Variants in MAOA observed in about 807,000 individuals in gnomAD.
The protein encoded by MAOA is monoamine oxidase A, also known as amine oxidase [flavin-containing] A.
Under a neutral mutation model 42.0 loss-of-function variants are expected in MAOA, and 6 were observed. The ratio of observed to expected loss-of-function variants is 0.14; its 90% CI spans 0.08 to 0.28. The LOEUF is 0.28. Ranked by LOEUF, MAOA falls within the 10% of genes least tolerant of loss-of-function variation. The pLI, the probability that MAOA is intolerant of heterozygous loss-of-function variation, is 1.00. For missense variants in MAOA, 262 were observed against 422.3 expected (o/e 0.62, Z 3.33); for synonymous variants, 140 against 154.0 (o/e 0.91, Z 0.67).
chrX:43,656,620 TTAC>T (rs1411885774), intron 1 of MAOA, among the ~76,000 whole-genome samples: 8 of 111,174 alleles, frequency 7.2e-5, no homozygotes, highest in Non-Finnish European at 1.1e-4. Context: ...CACAATAATT[TTAC>T]TACTACTACT....
At chrX:43,740,840 T>C (rs2033955618) in intron 11 of MAOA, 102 bp downstream of exon 11, 2 of 700,326 alleles carry the variant, frequency 2.9e-6, no homozygotes, top group Admixed American at 3.2e-5. Context: ...ATGAAGAGAG[T>C]ATAAAGCGAT....
At chrX:43,661,701 C>G (rs768156648) in intron 1 of MAOA, among the ~76,000 whole-genome samples, 1 of 111,692 alleles carries the variant, frequency 9.0e-6, no homozygotes, top group East Asian at 2.8e-4. Context: ...AGCGAGCGCA[C>G]AGTGAAAATG....
rs749751951 is a variant in MAOA at position 43,683,509 on chromosome X, T to G, written c.74-4T>G. On this transcript the variant is annotated splice_polypyrimidine_tract_variant and splice_region_variant and intron_variant, in intron 1 of 14. Coordinates refer to ENST00000338702, the MANE Select transcript of MAOA (RefSeq NM_000240.4). The stretch of plus-strand genomic sequence containing the variant: ...TACGTTGCTCTTTTTTGTTTTTCCT[T>G]TAGGACTATCTGCTGCCAAACTCTT... 8.3e-7 allele frequency: 1 copy of G among 1,203,228 alleles called. No individual in the cohort carries two copies. Among genetic ancestry groups the G allele is most frequent in the East Asian group, 3.0e-5 (1 of 33,801 alleles).
intron 5 of MAOA, among the ~76,000 whole-genome samples, chrX:43,725,608 G>A (rs1355559762): frequency 9.0e-6 from 1 of 111,205 alleles, no homozygotes; most frequent in African/African-American, 3.3e-5. Context: ...ACACCGATGG[G>A]TCTTGACTCT....
chrX:43,726,089 T>A (rs2033832143), intron 5 of MAOA, among the ~76,000 whole-genome samples: 1 of 111,808 alleles, frequency 8.9e-6, no homozygotes, highest in African/African-American at 3.3e-5. Flanking sequence ...CCTTTCTGTC[T>A]GGCTGCCCTT....
At chrX:43,666,978 T>C (rs1268868876) in intron 1 of MAOA, among the ~76,000 whole-genome samples, 16 of 77,221 alleles carry the variant, frequency 2.1e-4, no homozygotes, top group East Asian at 4.8e-4. Context: ...GAACATCACA[T>C]ACCAGGGTCT....
chrX:43,659,893 C>T (rs1401341933), intron 1 of MAOA, among the ~76,000 whole-genome samples: 4 of 111,329 alleles, frequency 3.6e-5, no homozygotes, highest in Non-Finnish European at 7.5e-5. Flanking sequence ...GATGACCTCC[C>T]TCCCCCCATC....
chrX:43,710,855 G>A (rs1266894234), intron 3 of MAOA, among the ~76,000 whole-genome samples: 1 of 112,130 alleles, frequency 8.9e-6, no homozygotes, highest in East Asian at 2.8e-4. Flanking sequence ...AAGAGGGAAT[G>A]TACTGAAAGG....
rs761584498 is a variant in MAOA, at chrX:43,713,600, T to C, written c.503+804T>C. On this transcript the variant is annotated intron_variant, in intron 5 of 14. Transcript: ENST00000338702. ...ATTAGTTTATGTGGGGCTTACTATG[T>C]GAAGGCACCATACCAGGCACTGAGG... Among the ~76,000 whole-genome samples the C allele has an allele frequency of 2.7e-5, 3 of 112,155 alleles. No individual in the cohort carries two copies. The East Asian group carries it at 8.4e-4, about 32-fold the overall frequency.
chrX:43,707,798 T>G, intron 3 of MAOA, among the ~76,000 whole-genome samples: 1 of 111,993 alleles, frequency 8.9e-6, no homozygotes, highest in East Asian at 2.8e-4. Context: ...GGAAGATAAC[T>G]CTTTTATTTT....
At chrX:43,728,775 T>C (rs753684970) in intron 6 of MAOA, among the ~76,000 whole-genome samples, 1 of 112,591 alleles carries the variant, frequency 8.9e-6, no homozygotes, top group African/African-American at 3.2e-5. Context: ...CGCAAGTGAT[T>C]ATGGCCACTC....
At chrX:43,671,846 C>A (rs1323078612) in intron 1 of MAOA, among the ~76,000 whole-genome samples, 6 of 102,519 alleles carry the variant, frequency 5.9e-5, no homozygotes, top group Non-Finnish European at 1.0e-4. Context: ...GTTACTGTAG[C>A]CTTGTAGTAT....
intron 3 of MAOA, among the ~76,000 whole-genome samples, chrX:43,702,053 C>T (rs1006963840): frequency 8.9e-6 from 1 of 111,862 alleles, no homozygotes; most frequent in African/African-American, 3.2e-5. Context: ...TCTTAAACAG[C>T]CTCTAACGTC....
intron 6 of MAOA, 89 bp from the exon 7 acceptor site, chrX:43,731,152 T>G (rs2033877606): frequency 1.1e-6 from 1 of 950,604 alleles, no homozygotes; most frequent in Non-Finnish European, 1.5e-6. Context: ...GGCCTGTGAC[T>G]TTCTGGAGGT....
chrX:43,707,699 C>A (rs1384964673), intron 3 of MAOA, among the ~76,000 whole-genome samples: 1 of 112,096 alleles, frequency 8.9e-6, no homozygotes, highest in African/African-American at 3.2e-5. Context: ...TCAAAAGATT[C>A]ATCTTACAGG....
At chrX:43,696,002 G>A (rs1484299965) in intron 3 of MAOA, among the ~76,000 whole-genome samples, 2 of 111,688 alleles carry the variant, frequency 1.8e-5, no homozygotes, top group African/African-American at 6.5e-5. Flanking sequence ...GAAATTTTCT[G>A]GGCTTTACTG....
chrX:43,703,019 G>T (rs2033635373), intron 3 of MAOA, among the ~76,000 whole-genome samples: 1 of 109,611 alleles, frequency 9.1e-6, no homozygotes, highest in African/African-American at 3.4e-5. Flanking sequence ...TCCACCAGTC[G>T]AGTAGTCCTG....
intron 2 of MAOA, among the ~76,000 whole-genome samples, chrX:43,687,901 A>G (rs1164603122): frequency 8.9e-6 from 1 of 112,881 alleles, no homozygotes; most frequent in African/African-American, 3.2e-5. Flanking sequence ...TTCCACTGCT[A>G]TCCCCTGGTG....
intron 2 of MAOA, among the ~76,000 whole-genome samples, chrX:43,691,680 A>G (rs756910709): frequency 1.1e-4 from 12 of 111,751 alleles, no homozygotes; most frequent in Non-Finnish European, 2.3e-4. Context: ...CAAAGAATGG[A>G]TCACTTTATT....
Sources: gnomAD v4.1 joint callset for allele counts (sites outside exome capture counted in the v4.1 genomes callset) on GRCh38, gnomAD v4.1.1 for gene constraint, MANE v1.5 for transcripts, NCBI Gene and HGNC (gene_info 2026-07-23, HGNC 2026-07-21) for gene names.